The following FMN2 variants were observed in gnomAD, a reference collection of about 807,000 sequenced individuals.
FMN2 encodes the protein formin 2.
A neutral mutation model predicts 142.3 loss-of-function variants in FMN2; 51 were observed. That is an observed-to-expected ratio of 0.36 (90% CI 0.29 to 0.45). FMN2 has a LOEUF of 0.45. Among genes scored for constraint, FMN2 ranks in the 20% least tolerant of loss-of-function variants. The probability of loss-of-function intolerance (pLI) is 1.00; values close to 1 mark genes in which losing one functional copy is unlikely to be tolerated. For synonymous variants in FMN2, 882 were observed against 869.8 expected (o/e 1.01, Z -0.25); for missense variants, 1,936 against 2,122.8 (o/e 0.91, Z 1.73).
In FMN2 at chr1:240,328,167, A is replaced by G. The variant is rs797021120; in HGVS notation, c.4216-909A>G. 1.6e-3 allele frequency among the ~76,000 whole-genome samples: 223 copies of G among 141,126 alleles called. 1 individual carries two copies. The highest frequency in any genetic ancestry group is 6.4e-3 in the East Asian group (32 of 5,034). 92.6% of individuals were successfully genotyped at this position (141,126 alleles called of 152,430 possible). A position where few individuals can be genotyped will look rare whatever the true frequency, so the allele number is the denominator to read the frequency against. ...CATCTCAAAAAAAAAAAAAAAAAAA[A>G]AAAAAGAAAAAGAAAATCCAGCAAA... On this transcript the variant is annotated intron_variant, in intron 8 of 17. Transcript: ENST00000319653.
At chr1:240,437,439 G>A (rs1324392685) in intron 15 of FMN2, among the ~76,000 whole-genome samples, 6 of 151,898 alleles carry the variant, frequency 4.0e-5, no homozygotes, top group African/African-American at 1.2e-4. Context: ...GGGACTACAG[G>A]TGCCCACCAC....
At chr1:240,355,007 C>T (rs1353460864) in intron 13 of FMN2, among the ~76,000 whole-genome samples, 3 of 152,088 alleles carry the variant, frequency 2.0e-5, no homozygotes, top group Non-Finnish European at 2.9e-5. Flanking sequence ...CTTAGAGGTA[C>T]TTCTCAATAT....
chr1:240,228,678 GA>G (rs1270784688), intron 6 of FMN2, among the ~76,000 whole-genome samples: 1 of 152,118 alleles, frequency 6.6e-6, no homozygotes, highest in East Asian at 1.9e-4. Context: ...TTTTTTATGA[GA>G]AGGTAAATAA....
intron 6 of FMN2, among the ~76,000 whole-genome samples, chr1:240,225,760 C>T (rs1487379954): frequency 3.3e-5 from 5 of 152,110 alleles, no homozygotes; most frequent in Non-Finnish European, 2.9e-5. Context: ...GAACTCAACG[C>T]ACCCATTAAA....
intron 4 of FMN2, among the ~76,000 whole-genome samples, chr1:240,193,271 G>A (rs1665782019): frequency 6.6e-6 from 1 of 152,192 alleles, no homozygotes; most frequent in Non-Finnish European, 1.5e-5. Flanking sequence ...GACCTACTGT[G>A]TGCAAGGTAT....
intron 7 of FMN2, among the ~76,000 whole-genome samples, 176 bp downstream of exon 7, chr1:240,258,208 A>C (rs1033911175): frequency 2.0e-5 from 3 of 152,156 alleles, no homozygotes; most frequent in Admixed American, 1.3e-4. Flanking sequence ...ATTACTATTA[A>C]TTTGCCTGTG....
At position 240,472,721 on chromosome 1, in the gene FMN2, C is replaced by T. The variant is rs190935926; in HGVS notation, c.5142+268C>T. Among the ~76,000 whole-genome samples the T allele has an allele frequency of 5.3e-3, 806 of 151,768 alleles. 4 individuals are homozygous for T. Among genetic ancestry groups the T allele is most frequent in the African/African-American group, 0.019 (779 of 41,390 alleles). On this transcript the variant is annotated intron_variant, in intron 17 of 17. Transcript: ENST00000319653. Reference sequence around the variant, plus strand: ...CAGCACTTTGGGAGGCCGAGGTGGGCGGGTCATGAGGTCAGGCGATCGAGG... The same window carrying T: ...CAGCACTTTGGGAGGCCGAGGTGGGTGGGTCATGAGGTCAGGCGATCGAGG...
At chr1:240,335,357 A>C (rs1671521686) in intron 13 of FMN2, among the ~76,000 whole-genome samples, 1 of 152,142 alleles carries the variant, frequency 6.6e-6, no homozygotes, top group African/African-American at 2.4e-5. Flanking sequence ...TTTTCATACA[A>C]TAATAATAAA....
At chr1:240,429,888 TTTTTTTG>T (rs1675082340) in intron 15 of FMN2, among the ~76,000 whole-genome samples, 5 of 137,666 alleles carry the variant, frequency 3.6e-5, no homozygotes, top group East Asian at 1.9e-4. Context: ...TTTTTTGTTT[TTTTTTTG>T]TTTTTTTTGA....
intron 14 of FMN2, among the ~76,000 whole-genome samples, chr1:240,387,769 T>TATTGCAAGCAATGC (rs1673452658): frequency 6.6e-6 from 1 of 152,192 alleles, no homozygotes; most frequent in Non-Finnish European, 1.5e-5. Flanking sequence ...ACTTTTCACA[T>TATTGCAAGCAATGC]ATTGCAAGCA....
At chr1:240,186,746 T>C (rs997122470) in intron 3 of FMN2, among the ~76,000 whole-genome samples, 3 of 152,090 alleles carry the variant, frequency 2.0e-5, no homozygotes, top group South Asian at 2.1e-4. Context: ...GGTGAGCAAG[T>C]TGGGACAGAT....
At chr1:240,235,682 A>C (rs1667687173) in intron 6 of FMN2, 1 of 152,284 alleles carries the variant, frequency 6.6e-6, no homozygotes, top group Admixed American at 6.5e-5. Flanking sequence ...CGGCCTCCCA[A>C]GTTGCTGGCA....
chr1:240,232,732 T>G (rs1182025911), intron 6 of FMN2, among the ~76,000 whole-genome samples: 1 of 152,172 alleles, frequency 6.6e-6, no homozygotes, highest in African/African-American at 2.4e-5. Context: ...TAATAAGTCA[T>G]GTTTGCCATT....
At chr1:240,184,797 T>G (rs1428458842) in intron 3 of FMN2, among the ~76,000 whole-genome samples, 2 of 151,806 alleles carry the variant, frequency 1.3e-5, no homozygotes, top group Non-Finnish European at 2.9e-5. Context: ...TTTAGGGAGC[T>G]CTATGAAAGT....
chr1:240,290,385 T>A (rs1669739597), intron 7 of FMN2, among the ~76,000 whole-genome samples: 1 of 152,224 alleles, frequency 6.6e-6, no homozygotes, highest in African/African-American at 2.4e-5. Flanking sequence ...GAATAGCTAT[T>A]GTGAAATTAA....
chr1:240,463,295 CAG>C (rs1266845527), intron 16 of FMN2, among the ~76,000 whole-genome samples: 2 of 152,020 alleles, frequency 1.3e-5, no homozygotes, highest in African/African-American at 4.8e-5. Flanking sequence ...TGAAGAATGA[CAG>C]AACTTGTTAA....
At chr1:240,246,829 T>C (rs1313457500) in intron 6 of FMN2, among the ~76,000 whole-genome samples, 1 of 152,222 alleles carries the variant, frequency 6.6e-6, no homozygotes, top group Non-Finnish European at 1.5e-5. Context: ...TTCAAGATAA[T>C]TCTTTTTTCT....
intron 14 of FMN2, among the ~76,000 whole-genome samples, chr1:240,385,364 A>G (rs996999749): frequency 1.3e-5 from 2 of 152,174 alleles, no homozygotes; most frequent in African/African-American, 4.8e-5. Context: ...GTAAGTATGT[A>G]TGCTTCATTT....
At chr1:240,327,331 G>A (rs72766270) in intron 8 of FMN2, among the ~76,000 whole-genome samples, 17 of 152,186 alleles carry the variant, frequency 1.1e-4, no homozygotes, top group African/African-American at 3.4e-4. Flanking sequence ...TTTGAGACAC[G>A]TCTTTGTTAG....
Sources: allele counts gnomAD v4.1 joint callset (sites outside exome capture counted in the v4.1 genomes callset), GRCh38; gene constraint gnomAD v4.1.1; transcripts MANE v1.5; gene names NCBI Gene and HGNC (gene_info 2026-07-23, HGNC 2026-07-21).